BEST2: variants seen among roughly 807,000 people sequenced by gnomAD.
The protein encoded by BEST2 is bestrophin-2a.
A neutral mutation model predicts 49.0 loss-of-function variants in BEST2; 36 were observed. The observed-to-expected ratio is 0.73, with a 90% CI of 0.56 to 0.97. The LOEUF is 0.97. Among genes scored for constraint, BEST2 ranks in the 50% least tolerant of loss-of-function variants. BEST2 has a pLI of 0.00. For missense variants in BEST2, 672 were observed against 710.0 expected, an observed-to-expected ratio of 0.95 and a Z score of 0.61; for synonymous variants, 335 against 304.4, an observed-to-expected ratio of 1.10 and a Z score of -1.05.
rs371908216 is a variant in BEST2, at chr19:12,752,705, G to C, written c.113G>C (p.Cys38Ser). Residue 38 changes from cysteine (C) to serine (S), a missense_variant, in exon 2 of 10, where the codon TGC becomes TCC. Around this residue, in one of 3 missense-constraint regions of BEST2, gnomAD observed 365 missense variants for 390.9 expected, o/e 0.93. Coordinates refer to ENST00000553030, the MANE Select transcript of BEST2 (RefSeq NM_017682.3). Reference protein sequence around the residue: ...IYKLLWRELLCFLGFYMALSA... With the variant: ...IYKLLWRELLSFLGFYMALSA... ...AAACTCCTGTGGCGAGAGCTGCTCT[G>C]CTTCCTTGGGTTCTACATGGCGCTG... The C allele has an allele frequency of 2.8e-5, 45 of 1,612,320 alleles. No individual in the cohort carries two copies. Among genetic ancestry groups the C allele is most frequent in the Non-Finnish European group, 3.8e-5 (45 of 1,179,788 alleles).
In BEST2 at chr19:12,758,419, C is replaced by A. The variant is rs931511641; in HGVS notation, c.*342C>A. 1 of 333,034 alleles carries A rather than the reference C, an allele frequency of 3.0e-6. No individual in the cohort carries two copies. Among genetic ancestry groups the A allele is most frequent in the African/African-American group, 2.2e-5 (1 of 45,850 alleles). 20.6% of individuals were successfully genotyped at this position (333,034 alleles called of 1,614,324 possible). The stretch of plus-strand genomic sequence containing the variant: ...GAATGGCATTAAAGCATTTGGTATA[C>A]AGTAGGTGCTCAATAAATTGCTAGT... On this transcript the variant is annotated 3_prime_UTR_variant, in exon 10 of 10. Transcript: ENST00000553030.
At chr19:12,752,767 A>C in intron 2 of BEST2, 23 bp downstream of exon 2, 1 of 1,595,200 alleles carries the variant, frequency 6.3e-7, no homozygotes, top group Non-Finnish European at 8.6e-7. Context: ...TGAGGTGCTC[A>C]TGTTCTAGCG....
Position 12,754,743 on chromosome 19 carries a change from G to T in BEST2, c.439G>T (p.Val147Leu). 6.3e-7 allele frequency: 1 copy of T among 1,591,516 alleles called. No individual in the cohort carries two copies. Among genetic ancestry groups the T allele is most frequent in the Non-Finnish European group, 8.6e-7 (1 of 1,168,912 alleles). ...CATCCTGCGCTCCGTCAGCACCGCG[G>T]TGTTCAAGCGCTTCCCCACCATAGA... ...VLILRSVSTA[V>L]FKRFPTIDHV... Residue 147 changes from valine (V) to leucine (L), a missense_variant, in exon 4 of 10, where the codon GTG becomes TTG. Physicochemically the swap from Val to Leu is conservative, Grantham distance 32. Transcript: ENST00000553030.
At position 12,755,081 on chromosome 19, in the gene BEST2, C is replaced by T. The variant is rs759166340; in HGVS notation, c.636+50C>T. 6.5e-7 allele frequency: 1 copy of T among 1,548,926 alleles called. No homozygotes were observed. The highest frequency in any genetic ancestry group is 8.7e-7 in the Non-Finnish European group (1 of 1,151,654). ...ATATAGAATACCAGGGAAATTGTACCCCTGGAGCTGTGTCAACGGCGGCCC... is the reference window on the plus strand; with the variant it reads ...ATATAGAATACCAGGGAAATTGTACTCCTGGAGCTGTGTCAACGGCGGCCC... On this transcript the variant is annotated intron_variant, in intron 5 of 9. Coordinates refer to ENST00000553030, the MANE Select transcript of BEST2 (RefSeq NM_017682.3). This position sits in a 1 kb window ranked among gnomAD's most constrained non-coding sequence, Gnocchi z 4.4.
intron 2 of BEST2, among the ~76,000 whole-genome samples, 178 bp downstream of exon 2, chr19:12,752,922 T>G (rs1967888591): frequency 6.7e-6 from 1 of 148,872 alleles, no homozygotes; most frequent in Non-Finnish European, 1.5e-5. Context: ...AATCTTCTCT[T>G]ACTTCCACCT....
In BEST2 at chr19:12,753,244, C is replaced by T; in HGVS notation, c.153-16C>T. ...GTCACCCTTGTGACCTGTGACCCCT[C>T]ATCTCTATCCCGCAGCTTTGTGCTG... On this transcript the variant is annotated splice_polypyrimidine_tract_variant and intron_variant, in intron 2 of 9. Coordinates refer to ENST00000553030, the MANE Select transcript of BEST2 (RefSeq NM_017682.3). 6.2e-7 allele frequency: 1 copy of T among 1,613,502 alleles called. No individual in the cohort carries two copies. The highest frequency in any genetic ancestry group is 8.5e-7 in the Non-Finnish European group (1 of 1,179,434).
intron 3 of BEST2, 88 bp downstream of exon 3, chr19:12,753,442 C>A: frequency 7.9e-7 from 1 of 1,271,000 alleles, no homozygotes; most frequent in Non-Finnish European, 1.1e-6. Flanking sequence ...ATTCCTGCCC[C>A]TCTGAGATCC....
rs908022291 is a variant in BEST2 at position 12,755,435 on chromosome 19, C to T, written c.693C>T (p.Ser231=). 10 of 1,614,104 alleles carry T rather than the reference C, an allele frequency of 6.2e-6. No homozygotes were observed. In the Admixed American group the frequency reaches 8.3e-5, roughly 13 times the overall value. ...CGMLFHYDWI[S]VPLVYTQVVT... ...TGCTCTTTCACTATGACTGGATTAGCGTACCCCTCGTGTACACGCAGGTAA... is the reference window on the plus strand; with the variant it reads ...TGCTCTTTCACTATGACTGGATTAGTGTACCCCTCGTGTACACGCAGGTAA... The change falls in exon 6 of 10, where the codon AGC becomes AGT. Residue 231 remains serine, a synonymous_variant. Transcript: ENST00000553030. This position sits in a 1 kb window ranked among gnomAD's most constrained non-coding sequence, Gnocchi z 4.4.
Position 12,757,976 on chromosome 19 carries a change from C to G in BEST2, c.1429C>G (p.Pro477Ala), listed in dbSNP as rs1299056002. The change falls in exon 10 of 10, where the codon CCT becomes GCT. Residue 477 changes from proline to alanine, a missense_variant. This residue lies in a region of BEST2 where 291 missense variants were observed against 279.8 expected (regional missense o/e 1.04). Coordinates refer to ENST00000553030, the MANE Select transcript of BEST2 (RefSeq NM_017682.3). Reference sequence around the variant, plus strand: ...CGAACCGCTTACCCTCATCCCTGGGCCTGTCGAGCCCTTCAGCATCGTGAC... The same window carrying G: ...CGAACCGCTTACCCTCATCCCTGGGGCTGTCGAGCCCTTCAGCATCGTGAC... ...GPEPLTLIPGPVEPFSIVTMP... is the reference protein window; with the variant it reads ...GPEPLTLIPGAVEPFSIVTMP... 2.5e-6 allele frequency: 4 copies of G among 1,610,416 alleles called. No individual in the cohort carries two copies.
intron 9 of BEST2, 66 bp downstream of exon 9, chr19:12,756,361 T>G: frequency 6.4e-7 from 1 of 1,573,330 alleles, no homozygotes; most frequent in Non-Finnish European, 8.7e-7. Flanking sequence ...CACATCTGAT[T>G]GAAAAGGTTA....
chr19:12,753,136 C>A, intron 2 of BEST2, 124 bp from the exon 3 acceptor site: 4 of 947,230 alleles, frequency 4.2e-6, no homozygotes, highest in Non-Finnish European at 6.5e-6. Context: ...CAGGTGTGAC[C>A]CATAGCACCC....
chr19:12,753,189 C>A, intron 2 of BEST2, 71 bp from the exon 3 acceptor site: 1 of 1,526,228 alleles, frequency 6.6e-7, no homozygotes, highest in Non-Finnish European at 9.1e-7. Context: ...GTGAGGGGCA[C>A]AGCAAGAGAG....
chr19:12,755,571 T>C lies in BEST2; in HGVS notation c.715-44T>C. ...ATCATAATGATGCCTAATCCTAGCC[T>C]TGGACCCCAATGACCCCCCTGAGCC... On this transcript the variant is annotated intron_variant, in intron 6 of 9. Transcript: ENST00000553030. The surrounding 1 kb of genome is among the most constrained non-coding windows in gnomAD (Gnocchi z 4.4). 1 of 1,609,724 alleles carries C rather than the reference T, an allele frequency of 6.2e-7. No individual in the cohort carries two copies. The highest frequency in any genetic ancestry group is 8.5e-7 in the Non-Finnish European group (1 of 1,176,984).
Position 12,755,716 on chromosome 19 carries a change from T to C in BEST2, c.816T>C (p.Cys272=), listed in dbSNP as rs764401873. ...ACAAAGACCACGACCTAGACCTGTG[T>C]GTGCCCATCTTCACCCTCTTGCAGT... ...QGYKDHDLDL[C]VPIFTLLQFF... The change falls in exon 7 of 10, where the codon TGT becomes TGC. Residue 272 remains cysteine, a synonymous_variant. Coordinates refer to ENST00000553030, the MANE Select transcript of BEST2 (RefSeq NM_017682.3). The surrounding 1 kb of genome is among the most constrained non-coding windows in gnomAD (Gnocchi z 4.4). 2 of 1,614,162 alleles carry C rather than the reference T, an allele frequency of 1.2e-6. No individual in the cohort carries two copies. The highest frequency in any genetic ancestry group is 2.7e-5 in the African/African-American group (2 of 75,028).
chr19:12,754,905 G>A lies in BEST2; in HGVS notation c.510G>A (p.Lys170=). 1 of 1,613,656 alleles carries A rather than the reference G, an allele frequency of 6.2e-7. No homozygotes were observed. The highest frequency in any genetic ancestry group is 1.1e-5 in the South Asian group (1 of 90,996). The change falls in exon 5 of 10, where the codon AAG becomes AAA. Residue 170 remains lysine, a synonymous_variant. Coordinates refer to ENST00000553030, the MANE Select transcript of BEST2 (RefSeq NM_017682.3). ...AGFMTREERK[K]FENLNSSYNK... is the part of the protein sequence containing the mutation. ...TTATGACCCGCGAGGAGCGCAAGAA[G>A]TTTGAAAACCTGAACTCATCCTACA...
rs762699876 is a variant in BEST2 at position 12,754,985 on chromosome 19, G to C, written c.590G>C (p.Arg197Pro). Reference protein sequence around the residue: ...WFSNLAAQARREGRIRDNSAL... With the variant: ...WFSNLAAQARPEGRIRDNSAL... ...TCCAACCTGGCGGCACAGGCCCGAC[G>C]CGAGGGCCGCATCCGCGACAACAGC... Residue 197 changes from arginine (R) to proline (P), a missense_variant, in exon 5 of 10, where the codon CGC (arginine) becomes CCC (proline). By Grantham distance (103) the Arg-to-Pro change is moderately radical. Transcript: ENST00000553030. 5 of 1,612,188 alleles carry C rather than the reference G, an allele frequency of 3.1e-6. No homozygotes were observed. Among genetic ancestry groups the C allele is most frequent in the Non-Finnish European group, 1.7e-6 (2 of 1,179,472 alleles).
At chr19:12,752,490 G>A in intron 1 of BEST2, 52 bp from the exon 2 acceptor site, 3 of 1,281,394 alleles carry the variant, frequency 2.3e-6, no homozygotes, top group Non-Finnish European at 3.3e-6. Context: ...CCGGAACATG[G>A]GTGGAATCCC....
intron 2 of BEST2, 67 bp downstream of exon 2, chr19:12,752,811 T>C (rs1441908173): frequency 2.9e-6 from 3 of 1,034,924 alleles, no homozygotes; most frequent in Non-Finnish European, 3.7e-6. Context: ...ATATAATATA[T>C]AAAAATTATA....
chr19:12,753,453 C>A, intron 3 of BEST2, 99 bp downstream of exon 3: 1 of 1,181,146 alleles, frequency 8.5e-7, no homozygotes, highest in South Asian at 1.3e-5. Flanking sequence ...TCTGAGATCC[C>A]CCCCCTCAAA....
Sources: gnomAD v4.1 joint callset for allele counts (sites outside exome capture counted in the v4.1 genomes callset) on GRCh38, gnomAD v4.1.1 for gene constraint, gnomAD v4.1.1 regional missense constraint, Gnocchi (gnomAD v3.1) non-coding constraint, MANE v1.5 for transcripts, NCBI Gene and HGNC (gene_info 2026-07-23, HGNC 2026-07-21) for gene names.